The following PHLPP2 variants were observed in gnomAD, a reference collection of about 807,000 sequenced individuals.
The protein encoded by PHLPP2 is PH domain leucine-rich repeat-containing protein phosphatase 2.
A neutral mutation model predicts 124.9 loss-of-function variants in PHLPP2; 66 were observed. The ratio of observed to expected loss-of-function variants is 0.53; its 90% CI spans 0.43 to 0.65. The LOEUF is 0.65. Ranked by LOEUF, PHLPP2 falls within the 30% of genes least tolerant of loss-of-function variation. The pLI, the probability that PHLPP2 is intolerant of heterozygous loss-of-function variation, is 0.00. For missense variants in PHLPP2, 1,685 were observed against 1,600.4 expected (o/e 1.05, Z -0.90); for synonymous variants, 681 against 624.7 (o/e 1.09, Z -1.34).
At chr16:71,662,411 C>G (rs1045406868) in intron 13 of PHLPP2, among the ~76,000 whole-genome samples, 1 of 151,788 alleles carries the variant, frequency 6.6e-6, no homozygotes, top group Non-Finnish European at 1.5e-5. Flanking sequence ...GCCTGGCCAA[C>G]AGAGCAAGAC....
At chr16:71,659,192 T>C (rs2044767247) in intron 13 of PHLPP2, among the ~76,000 whole-genome samples, 1 of 152,034 alleles carries the variant, frequency 6.6e-6, no homozygotes, top group African/African-American at 2.4e-5. Context: ...CAGCAGTCTT[T>C]AATACCCTCA....
intron 13 of PHLPP2, among the ~76,000 whole-genome samples, chr16:71,662,239 G>A (rs1331034086): frequency 6.6e-6 from 1 of 151,846 alleles, no homozygotes; most frequent in African/African-American, 2.4e-5. Flanking sequence ...AGACTAGTCT[G>A]GCCAATATGG....
At chr16:71,678,731 A>G in intron 8 of PHLPP2, 24 bp downstream of exon 8, 1 of 1,141,130 alleles carries the variant, frequency 8.8e-7, no homozygotes, top group African/African-American at 1.5e-5. Flanking sequence ...ATTTAAAGGA[A>G]GGTGTGGTAA....
chr16:71,707,545 A>G (rs2145375353), intron 2 of PHLPP2, among the ~76,000 whole-genome samples: 1 of 152,278 alleles, frequency 6.6e-6, no homozygotes, highest in South Asian at 2.1e-4. Flanking sequence ...GAGTTGAATC[A>G]TGAGGTCAAA....
intron 15 of PHLPP2, 72 bp from the exon 16 acceptor site, chr16:71,656,753 TC>T: frequency 3.2e-6 from 3 of 933,490 alleles, no homozygotes; most frequent in South Asian, 1.4e-5. Flanking sequence ...ACAATAGTAT[TC>T]TTTTTTTTTT....
At chr16:71,692,573 T>C (rs2045125666) in intron 3 of PHLPP2, among the ~76,000 whole-genome samples, 1 of 152,184 alleles carries the variant, frequency 6.6e-6, no homozygotes, top group South Asian at 2.1e-4. Context: ...GATAAGCATT[T>C]CACCTTCTAT....
chr16:71,723,638 C>CGG (rs2045412587), intron 1 of PHLPP2: 1 of 377,302 alleles, frequency 2.7e-6, no homozygotes, highest in South Asian at 9.9e-5. Context: ...TGACGCCGGG[C>CGG]GGGGGCCGCC....
rs377712192 is a variant in PHLPP2 at position 71,676,471 on chromosome 16, G to A, written c.1447C>T (p.Arg483Trp). Residue 483 changes from arginine to tryptophan, a missense_variant, in exon 9 of 19, where the codon CGG (arginine) becomes TGG (tryptophan). Arg to Trp is a moderately radical substitution (Grantham distance 101). Transcript: ENST00000568954. ...RELTLSGFSL[R>W]TLYASSNRLT... ...CTGTTGGAACTGGCATAGAGGGTCC[G>A]AAGGGAAAAGCCACTGAGTGTTAGC... 5.0e-6 allele frequency: 8 copies of A among 1,613,970 alleles called. No homozygotes were observed. Among genetic ancestry groups the A allele is most frequent in the East Asian group, 2.2e-5 (1 of 44,884 alleles).
intron 3 of PHLPP2, among the ~76,000 whole-genome samples, chr16:71,697,755 A>C (rs2145363480): frequency 6.7e-6 from 1 of 149,808 alleles, no homozygotes; most frequent in African/African-American, 2.5e-5. Flanking sequence ...CACAAATCAT[A>C]CCCTCTATAT....
At chr16:71,672,480 C>G (rs2044903768) in intron 9 of PHLPP2, among the ~76,000 whole-genome samples, 158 bp from the exon 10 acceptor site, 1 of 152,218 alleles carries the variant, frequency 6.6e-6, no homozygotes, top group Non-Finnish European at 1.5e-5. Flanking sequence ...CTCACTTTGA[C>G]TAACTGATCC....
intron 3 of PHLPP2, among the ~76,000 whole-genome samples, chr16:71,702,004 G>C (rs1442829940): frequency 6.6e-6 from 1 of 152,034 alleles, no homozygotes; most frequent in East Asian, 1.9e-4. Flanking sequence ...TGGATAAGGG[G>C]GGACTACCAT....
intron 7 of PHLPP2, 120 bp from the exon 8 acceptor site, chr16:71,679,105 G>C: frequency 3.1e-6 from 2 of 650,494 alleles, no homozygotes; most frequent in Non-Finnish European, 5.3e-6. Flanking sequence ...ATAGTAAAGT[G>C]TCCTAACTCT....
At chr16:71,722,299 T>C (rs1275741959) in intron 1 of PHLPP2, among the ~76,000 whole-genome samples, 1 of 152,060 alleles carries the variant, frequency 6.6e-6, no homozygotes, top group Non-Finnish European at 1.5e-5. Flanking sequence ...TGGGGTGTGG[T>C]GGCGGGTGCC....
intron 14 of PHLPP2, 115 bp downstream of exon 14, chr16:71,658,538 T>C (rs2044760830): frequency 3.1e-6 from 4 of 1,275,138 alleles, no homozygotes; most frequent in Non-Finnish European, 4.3e-6. Flanking sequence ...ATATTTTTCC[T>C]TATAAGAATA....
intron 3 of PHLPP2, among the ~76,000 whole-genome samples, chr16:71,696,523 G>C (rs1170611788): frequency 2.0e-5 from 3 of 151,938 alleles, no homozygotes; most frequent in African/African-American, 7.3e-5. Context: ...TGTAGCTCCA[G>C]CTACTTGGGA....
intron 17 of PHLPP2, among the ~76,000 whole-genome samples, chr16:71,653,894 T>C (rs974129577): frequency 8.5e-5 from 13 of 152,106 alleles, no homozygotes; most frequent in Admixed American, 2.6e-4. Flanking sequence ...ACCCCATCCC[T>C]ACTAAAAATA....
chr16:71,677,224 T>TA (rs1169658874), intron 8 of PHLPP2: 2 of 157,194 alleles, frequency 1.3e-5, no homozygotes, highest in East Asian at 1.9e-4. Context: ...TACGAACAGT[T>TA]AAACACTTAT....
chr16:71,691,573 C>T (rs1332391949), intron 3 of PHLPP2, among the ~76,000 whole-genome samples: 2 of 151,868 alleles, frequency 1.3e-5, no homozygotes, highest in African/African-American at 4.8e-5. Context: ...TAAATGACAA[C>T]CACTATTGTT....
chr16:71,663,400 C>A (rs1403616635), intron 13 of PHLPP2, among the ~76,000 whole-genome samples: 1 of 152,168 alleles, frequency 6.6e-6, no homozygotes, highest in Non-Finnish European at 1.5e-5. Context: ...CGTGAGCCAC[C>A]ACTCCCAGCC....
Sources: allele counts gnomAD v4.1 joint callset (sites outside exome capture counted in the v4.1 genomes callset), GRCh38; gene constraint gnomAD v4.1.1; transcripts MANE v1.5; gene names NCBI Gene and HGNC (gene_info 2026-07-23, HGNC 2026-07-21).